TRPM3: variants seen among roughly 807,000 people sequenced by gnomAD.
The protein encoded by TRPM3 is long transient receptor potential channel 3.
In TRPM3, 77 loss-of-function variants were observed where a neutral mutation model predicts 181.2. The ratio of observed to expected loss-of-function variants is 0.42; its 90% CI spans 0.35 to 0.51. TRPM3 has a LOEUF of 0.51. Ranked by LOEUF, TRPM3 falls within the 20% of genes least tolerant of loss-of-function variation. The probability of loss-of-function intolerance (pLI) is 0.01; values close to 1 mark genes in which losing one functional copy is unlikely to be tolerated. For synonymous variants in TRPM3, 745 were observed against 796.4 expected, an observed-to-expected ratio of 0.94 and a Z score of 1.09; for missense variants, 1,759 against 2,196.7, an observed-to-expected ratio of 0.80 and a Z score of 3.98.
At chr9:70,645,804 A>G (rs1003324329) in intron 9 of TRPM3, among the ~76,000 whole-genome samples, 7 of 152,136 alleles carry the variant, frequency 4.6e-5, no homozygotes, top group African/African-American at 7.2e-5. Context: ...AACCTACAGA[A>G]TGGGAGAAAA....
chr9:71,442,014 T>C (rs1210442220), intron 1 of TRPM3, among the ~76,000 whole-genome samples: 1 of 152,184 alleles, frequency 6.6e-6, no homozygotes, highest in Admixed American at 6.5e-5. Context: ...AGAGGGCAAG[T>C]CAACAACAGA....
intron 1 of TRPM3, among the ~76,000 whole-genome samples, chr9:71,256,724 C>G (rs1042595319): frequency 3.9e-5 from 6 of 152,106 alleles, no homozygotes; most frequent in African/African-American, 1.4e-4. Context: ...CAAAAGGTAT[C>G]TGCAAGAACA....
chr9:70,686,095 G>A (rs2134324253), intron 8 of TRPM3, among the ~76,000 whole-genome samples: 1 of 150,734 alleles, frequency 6.6e-6, no homozygotes, highest in African/African-American at 2.4e-5. Context: ...ATTAATATAT[G>A]TAATATATAC....
At chr9:71,377,455 G>C (rs529264304) in intron 1 of TRPM3, among the ~76,000 whole-genome samples, 1 of 151,964 alleles carries the variant, frequency 6.6e-6, no homozygotes, top group African/African-American at 2.4e-5. Context: ...CTCTGAAATT[G>C]TTTGCATTCA....
chr9:71,052,195 T>G (rs75321622), intron 1 of TRPM3, among the ~76,000 whole-genome samples: 16 of 151,964 alleles, frequency 1.1e-4, no homozygotes, highest in African/African-American at 3.9e-4. Flanking sequence ...TTAAACCAAA[T>G]AAAGCAAAAT....
chr9:71,183,469 T>C (rs1015340650), intron 1 of TRPM3, among the ~76,000 whole-genome samples: 6 of 152,148 alleles, frequency 3.9e-5, no homozygotes, highest in Admixed American at 2.0e-4. Flanking sequence ...TCCTGTGTTA[T>C]TACAATTATT....
chr9:70,694,822 T>C (rs2069786957), intron 8 of TRPM3, among the ~76,000 whole-genome samples: 1 of 152,228 alleles, frequency 6.6e-6, no homozygotes, highest in Admixed American at 6.5e-5. Flanking sequence ...CAAATTACCA[T>C]TTTAAAAATG....
intron 9 of TRPM3, among the ~76,000 whole-genome samples, chr9:70,672,121 T>G (rs1015920949): frequency 1.3e-5 from 2 of 152,014 alleles, no homozygotes; most frequent in Admixed American, 1.3e-4. Flanking sequence ...CCTCTCCTGG[T>G]TTTAGAACCT....
chr9:71,216,937 C>CTTTTTTTT lies in TRPM3; in HGVS notation c.183+229708_183+229715dup, dbSNP rs10536771. On this transcript the variant is annotated intron_variant, in intron 1 of 24. Coordinates refer to the TRPM3 transcript ENST00000357533. ...GCACAAGCATAGTCAGTGGCCCTTT[C>CTTTTTTTT]TTTTTTTTTTTTTTTTTTTTTTTTT... 2.5e-4 allele frequency among the ~76,000 whole-genome samples: 18 copies of CTTTTTTTT among 72,994 alleles called. 1 individual carries two copies. Among genetic ancestry groups the CTTTTTTTT allele is most frequent in the African/African-American group, 8.7e-4 (15 of 17,340 alleles). The allele number at this position is 72,994 out of a possible 152,430, so 47.9% of individuals were successfully genotyped here. A position where few individuals can be genotyped will look rare whatever the true frequency, so the allele number is the denominator to read the frequency against.
At chr9:71,183,747 T>C (rs1163817082) in intron 1 of TRPM3, among the ~76,000 whole-genome samples, 4 of 152,020 alleles carry the variant, frequency 2.6e-5, no homozygotes, top group African/African-American at 2.4e-5. Flanking sequence ...ATATGAACAA[T>C]ATAGGTGGGA....
chr9:71,227,937 T>C (rs1180299763), intron 1 of TRPM3, among the ~76,000 whole-genome samples: 1 of 152,154 alleles, frequency 6.6e-6, no homozygotes, highest in Non-Finnish European at 1.5e-5. Context: ...CTATTCTAAC[T>C]ATTCCAAAAA....
chr9:71,137,271 T>A (rs1344119114), intron 1 of TRPM3, among the ~76,000 whole-genome samples: 11 of 152,304 alleles, frequency 7.2e-5, no homozygotes, highest in South Asian at 4.1e-4. Flanking sequence ...GTACCATCAT[T>A]TTCATGACCT....
intron 1 of TRPM3, among the ~76,000 whole-genome samples, chr9:71,040,615 C>T (rs1590897112): frequency 6.6e-6 from 1 of 152,110 alleles, no homozygotes; most frequent in East Asian, 1.9e-4. Flanking sequence ...AAATAAACAT[C>T]AATGGATGCC....
chr9:70,785,939 G>A (rs987264100), intron 6 of TRPM3, among the ~76,000 whole-genome samples: 4 of 152,124 alleles, frequency 2.6e-5, no homozygotes, highest in African/African-American at 9.7e-5. Flanking sequence ...GGAGAGACAA[G>A]TGACCTGGGG....
At chr9:70,607,424 T>A (rs564159506) in intron 19 of TRPM3, among the ~76,000 whole-genome samples, 1 of 152,166 alleles carries the variant, frequency 6.6e-6, no homozygotes, top group Non-Finnish European at 1.5e-5. Context: ...TGAAGATGAA[T>A]TTTGGAGAAT....
In TRPM3 at chr9:71,359,376, G is replaced by A. The variant is rs116123410; in HGVS notation, c.183+87277C>T. On this transcript the variant is annotated intron_variant, in intron 1 of 24. Coordinates refer to the TRPM3 transcript ENST00000357533. ...GTATGGCTGCATCCATGAAGAAAGG[G>A]AATTTTAAACAGAAGTTACTGAAAC... Among the ~76,000 whole-genome samples, 1,042 of 152,284 alleles carry A rather than the reference G, an allele frequency of 6.8e-3. 17 individuals are homozygous for A. Among genetic ancestry groups the A allele is most frequent in the African/African-American group, 0.024 (1,003 of 41,554 alleles).
chr9:70,795,695 G>A (rs1246723630), intron 6 of TRPM3, among the ~76,000 whole-genome samples: 1 of 152,200 alleles, frequency 6.6e-6, no homozygotes. Flanking sequence ...GGGTTGGAAG[G>A]AGATGTAAAT....
chr9:71,212,113 T>G (rs983388601), intron 1 of TRPM3, among the ~76,000 whole-genome samples: 2 of 151,922 alleles, frequency 1.3e-5, no homozygotes, highest in African/African-American at 4.8e-5. Context: ...GTTTTTTTGT[T>G]TTGTTTTTGT....
chr9:71,064,399 T>C (rs2061665292), intron 1 of TRPM3, among the ~76,000 whole-genome samples: 1 of 151,860 alleles, frequency 6.6e-6, no homozygotes, highest in Non-Finnish European at 1.5e-5. Context: ...TTGTTTACAT[T>C]ACACAAGGTA....
Sources: gnomAD v4.1 joint callset for allele counts (sites outside exome capture counted in the v4.1 genomes callset) on GRCh38, gnomAD v4.1.1 for gene constraint, MANE v1.5 for transcripts, NCBI Gene and HGNC (gene_info 2026-07-23, HGNC 2026-07-21) for gene names.